Variants in DCLK2 observed in about 807,000 individuals in gnomAD.
The protein encoded by DCLK2 is doublecortin like kinase 2, also known as serine/threonine-protein kinase DCLK2.
In DCLK2, 31 loss-of-function variants were observed where a neutral mutation model predicts 78.4. The observed-to-expected ratio is 0.40, with a 90% confidence interval of 0.30 to 0.53. DCLK2 has a LOEUF of 0.53. DCLK2 is among the 20% of genes least tolerant of loss of function. DCLK2 has a pLI of 0.61. For missense variants in DCLK2, 872 were observed against 973.7 expected (o/e 0.90, Z 1.39); for synonymous variants, 407 against 374.9 (o/e 1.09, Z -0.99).
intron 2 of DCLK2, among the ~76,000 whole-genome samples, chr4:150,177,163 CT>C (rs1737151096): frequency 6.6e-6 from 1 of 151,940 alleles, no homozygotes; most frequent in Admixed American, 6.6e-5. Flanking sequence ...TTTTTCCTTC[CT>C]TTGCTTTGTT....
In DCLK2 at chr4:150,256,256, C is replaced by T; in HGVS notation, c.*9C>T. On this transcript the variant is annotated 3_prime_UTR_variant, in exon 16 of 16. Transcript: ENST00000296550. ...GCCGCCACCGAGACTGAGCCTCCTG[C>T]AGACGGGCGAAGCCGCCTGCTGCAG... 6.7e-7 allele frequency: 1 copy of T among 1,499,168 alleles called. No homozygotes were observed. The highest frequency in any genetic ancestry group is 8.9e-7 in the Non-Finnish European group (1 of 1,125,246). 92.9% of individuals were successfully genotyped at this position (1,499,168 alleles called of 1,614,324 possible).
At chr4:150,204,302 A>C (rs1739678055) in intron 5 of DCLK2, among the ~76,000 whole-genome samples, 1 of 152,212 alleles carries the variant, frequency 6.6e-6, no homozygotes, top group Non-Finnish European at 1.5e-5. Flanking sequence ...CAAAAGCCTA[A>C]AATGAAGTGA....
At chr4:150,201,114 G>A (rs577332729) in intron 4 of DCLK2, among the ~76,000 whole-genome samples, 13 of 152,252 alleles carry the variant, frequency 8.5e-5, no homozygotes, top group African/African-American at 1.9e-4. Flanking sequence ...CACCATGCCC[G>A]GCCATTATTT....
intron 2 of DCLK2, among the ~76,000 whole-genome samples, chr4:150,190,213 A>AGATG (rs138058210): frequency 3.0e-5 from 4 of 132,844 alleles, no homozygotes; most frequent in African/African-American, 8.1e-5. Flanking sequence ...AGATATAGAT[A>AGATG]GATAGATGGA....
At chr4:150,224,793 C>T (rs1741472846) in intron 8 of DCLK2, among the ~76,000 whole-genome samples, 1 of 152,186 alleles carries the variant, frequency 6.6e-6, no homozygotes, top group South Asian at 2.1e-4. Flanking sequence ...AGATTCTTTT[C>T]TCTGGGAGAT....
Position 150,190,034 on chromosome 4 carries a change from C to CAAAA in DCLK2, c.757-3090_757-3087dup, listed in dbSNP as rs71596222. On this transcript the variant is annotated intron_variant, in intron 2 of 15. Transcript: ENST00000296550. ...TGGGCATCATAGGGAGACCCTGTCT[C>CAAAA]AAAAAAAAAAAAAAAAAGGCCAAGT... Among the ~76,000 whole-genome samples the CAAAA allele has an allele frequency of 4.0e-3, 105 of 26,238 alleles. 17 individuals are homozygous for CAAAA. The highest frequency in any genetic ancestry group is 0.01 in the African/African-American group (92 of 8,970). The allele number at this position is 26,238 out of a possible 152,430, so 17.2% of individuals were successfully genotyped here.
At chr4:150,145,618 T>C (rs1325696657) in intron 2 of DCLK2, among the ~76,000 whole-genome samples, 1 of 152,232 alleles carries the variant, frequency 6.6e-6, no homozygotes, top group Non-Finnish European at 1.5e-5. Flanking sequence ...GTACCTACCA[T>C]GTGGCAGTCA....
intron 2 of DCLK2, among the ~76,000 whole-genome samples, chr4:150,132,923 C>G (rs1166616314): frequency 6.6e-6 from 1 of 152,146 alleles, no homozygotes; most frequent in Admixed American, 6.5e-5. Context: ...CCACCATGCC[C>G]AGCTAACATT....
At chr4:150,225,827 G>T (rs1741562845) in intron 8 of DCLK2, among the ~76,000 whole-genome samples, 1 of 152,134 alleles carries the variant, frequency 6.6e-6, no homozygotes, top group African/African-American at 2.4e-5. Context: ...ATTCTATAAA[G>T]TGTATTCCTG....
At chr4:150,204,589 A>G (rs767355033) in intron 5 of DCLK2, among the ~76,000 whole-genome samples, 6 of 152,244 alleles carry the variant, frequency 3.9e-5, no homozygotes, top group Admixed American at 3.3e-4. Context: ...GTAAATAATT[A>G]GAGCTAAAGA....
At chr4:150,088,517 C>T (rs1241913389) in intron 1 of DCLK2, among the ~76,000 whole-genome samples, 1 of 151,386 alleles carries the variant, frequency 6.6e-6, no homozygotes, top group Non-Finnish European at 1.5e-5. Context: ...TCTTTGTTGC[C>T]CAGGCTGGCC....
intron 1 of DCLK2, among the ~76,000 whole-genome samples, chr4:150,084,302 A>C (rs1022270234): frequency 6.6e-6 from 1 of 152,172 alleles, no homozygotes; most frequent in African/African-American, 2.4e-5. Context: ...TTGTCTAGGG[A>C]AGTTTTGTAT....
At chr4:150,246,364 T>C (rs1743310072) in intron 12 of DCLK2, among the ~76,000 whole-genome samples, 1 of 152,132 alleles carries the variant, frequency 6.6e-6, no homozygotes, top group African/African-American at 2.4e-5. Context: ...CTCTTTTTAA[T>C]AGGAGAGGAA....
chr4:150,143,849 T>G (rs1227778237), intron 2 of DCLK2, among the ~76,000 whole-genome samples: 1 of 152,204 alleles, frequency 6.6e-6, no homozygotes, highest in African/African-American at 2.4e-5. Context: ...GTATTTCTTC[T>G]TTTGAGAAGT....
chr4:150,145,285 C>T (rs185215900), intron 2 of DCLK2, among the ~76,000 whole-genome samples: 2 of 152,298 alleles, frequency 1.3e-5, no homozygotes, highest in East Asian at 3.9e-4. Flanking sequence ...CCAGGGTTTA[C>T]TGGGAGGCAA....
At chr4:150,243,865 CTTTT>C (rs200972178) in intron 12 of DCLK2, among the ~76,000 whole-genome samples, 40 of 135,524 alleles carry the variant, frequency 3.0e-4, no homozygotes, top group African/African-American at 6.0e-4. Context: ...CCATGCCCAG[CTTTT>C]TTTTTTTTTT....
intron 1 of DCLK2, among the ~76,000 whole-genome samples, chr4:150,080,322 C>T (rs1219809618): frequency 1.3e-5 from 2 of 152,292 alleles, no homozygotes; most frequent in Non-Finnish European, 2.9e-5. Context: ...AACCATGCCT[C>T]GGTCAAAGAG....
intron 10 of DCLK2, among the ~76,000 whole-genome samples, chr4:150,237,387 G>T (rs1186771100): frequency 1.3e-5 from 2 of 152,136 alleles, no homozygotes; most frequent in African/African-American, 4.8e-5. Flanking sequence ...CTTGTGGGCT[G>T]ACTCAGAGTT....
At chr4:150,134,145 A>G (rs575369539) in intron 2 of DCLK2, among the ~76,000 whole-genome samples, 43 of 139,690 alleles carry the variant, frequency 3.1e-4, no homozygotes, top group South Asian at 2.7e-3. Flanking sequence ...CAATGGCGCA[A>G]TCTCGGGTCA....
Sources: allele counts gnomAD v4.1 joint callset (sites outside exome capture counted in the v4.1 genomes callset), GRCh38; gene constraint gnomAD v4.1.1; transcripts MANE v1.5; gene names NCBI Gene and HGNC (gene_info 2026-07-23, HGNC 2026-07-21).